The following VPS13B variants were observed in gnomAD, a reference collection of about 807,000 sequenced individuals.
VPS13B encodes the protein vacuolar protein sorting 13 homolog B.
VPS13B carries 285 observed loss-of-function variants against 426.4 expected under a neutral mutation model. The ratio of observed to expected loss-of-function variants is 0.67; its 90% CI spans 0.61 to 0.74. The LOEUF is 0.74. Ranked by LOEUF, VPS13B falls within the 30% of genes least tolerant of loss-of-function variation. VPS13B has a pLI of 0.00. For synonymous variants in VPS13B, 1,676 were observed against 1,676.4 expected (o/e 1.00, Z 0.01); for missense variants, 4,537 against 4,782.6 (o/e 0.95, Z 1.51).
intron 27 of VPS13B, among the ~76,000 whole-genome samples, chr8:99,505,283 C>T (rs1821436751): frequency 6.6e-6 from 1 of 152,214 alleles, no homozygotes; most frequent in Non-Finnish European, 1.5e-5. Context: ...CCTTCCTTTT[C>T]ATTCACAACT....
intron 43 of VPS13B, among the ~76,000 whole-genome samples, chr8:99,790,034 T>G (rs1405078972): frequency 1.3e-5 from 2 of 152,072 alleles, no homozygotes; most frequent in Non-Finnish European, 2.9e-5. Flanking sequence ...ACATACAGAC[T>G]AAAAGGAACT....
chr8:99,550,973 A>G (rs1041053258), intron 30 of VPS13B, among the ~76,000 whole-genome samples: 28 of 152,116 alleles, frequency 1.8e-4, no homozygotes, highest in Non-Finnish European at 3.7e-4. Flanking sequence ...GATTTTATAA[A>G]TGTTCCTGTG....
intron 33 of VPS13B, among the ~76,000 whole-genome samples, chr8:99,593,036 A>T (rs538342047): frequency 2.6e-5 from 4 of 152,122 alleles, no homozygotes; most frequent in African/African-American, 4.8e-5. Context: ...GCCGAAAGTA[A>T]CCCAACAAAA....
chr8:99,233,203 T>A, intron 17 of VPS13B: 1 of 1,391,142 alleles, frequency 7.2e-7, no homozygotes, highest in Non-Finnish European at 1.0e-6. Context: ...ATCGGGCGTT[T>A]GGTCACGAGG....
chr8:99,527,166 G>T (rs963684683), intron 30 of VPS13B, among the ~76,000 whole-genome samples: 1 of 151,988 alleles, frequency 6.6e-6, no homozygotes, highest in South Asian at 2.1e-4. Flanking sequence ...TTTGCTCTCG[G>T]TGGATTCTTT....
chr8:99,474,849 T>C (rs1020513229), intron 24 of VPS13B, among the ~76,000 whole-genome samples: 1 of 152,160 alleles, frequency 6.6e-6, no homozygotes, highest in Non-Finnish European at 1.5e-5. Flanking sequence ...ATGTATTTCC[T>C]CTGAGAAACA....
At chr8:99,446,266 A>G (rs1325773513) in intron 23 of VPS13B, among the ~76,000 whole-genome samples, 1 of 151,992 alleles carries the variant, frequency 6.6e-6, no homozygotes, top group Non-Finnish European at 1.5e-5. Flanking sequence ...TTCTGGGTAT[A>G]TAAATCCTTG....
At chr8:99,062,976 C>A (rs1166644049) in intron 3 of VPS13B, among the ~76,000 whole-genome samples, 5 of 152,058 alleles carry the variant, frequency 3.3e-5, no homozygotes, top group Non-Finnish European at 2.9e-5. Context: ...AACATTATGG[C>A]CTTTTTTCCT....
chr8:99,316,432 G>A (rs1272320602), intron 19 of VPS13B, among the ~76,000 whole-genome samples: 1 of 152,274 alleles, frequency 6.6e-6, no homozygotes, highest in African/African-American at 2.4e-5. Context: ...AGGCCTCAGG[G>A]CGTTTGGGAC....
intron 2 of VPS13B, among the ~76,000 whole-genome samples, chr8:99,014,338 G>T (rs1435894334): frequency 6.6e-6 from 1 of 151,428 alleles, no homozygotes; most frequent in Admixed American, 6.6e-5. Context: ...GGCTGGTCTC[G>T]AACTCCTGAG....
intron 19 of VPS13B, among the ~76,000 whole-genome samples, chr8:99,350,626 T>TG (rs1324861122): frequency 6.6e-6 from 1 of 152,082 alleles, no homozygotes; most frequent in African/African-American, 2.4e-5. Context: ...TGCACAAAGA[T>TG]GCAATGAAAA....
intron 8 of VPS13B, among the ~76,000 whole-genome samples, chr8:99,122,165 CA>C (rs1360243444): frequency 6.6e-6 from 1 of 151,396 alleles, no homozygotes; most frequent in Non-Finnish European, 1.5e-5. Context: ...AGCCTCATAA[CA>C]AATTTTTTTT....
Position 99,275,097 on chromosome 8 carries a change from G to A in VPS13B, c.2667G>A (p.Glu889=). ...TCTTTTCAGTTGATAGTGGAAAAGA[G>A]AAGTTGATTCCCTTGCTTCAGGGTC... ...CAKAPVDSGK[E]KLIPLLQGPS... is the part of the protein sequence containing the mutation. Residue 889 remains glutamate, a synonymous_variant, in exon 19 of 62, where the codon GAG becomes GAA. Coordinates refer to ENST00000357162, the MANE Select transcript of VPS13B (RefSeq NM_152564.5). The A allele has an allele frequency of 3.1e-6, 5 of 1,604,864 alleles. No individual in the cohort carries two copies. Among genetic ancestry groups the A allele is most frequent in the Non-Finnish European group, 3.4e-6 (4 of 1,176,402 alleles).
intron 43 of VPS13B, chr8:99,804,225 A>G: frequency 6.5e-6 from 1 of 152,726 alleles, no homozygotes; most frequent in South Asian, 1.9e-4. Context: ...GGATGCCATG[A>G]GGCAGCAGGA....
intron 3 of VPS13B, among the ~76,000 whole-genome samples, chr8:99,075,777 C>G (rs1275382427): frequency 6.6e-6 from 1 of 152,096 alleles, no homozygotes; most frequent in Non-Finnish European, 1.5e-5. Context: ...CTCCTTTTAA[C>G]ATGGTTAGTC....
At chr8:99,245,454 T>C (rs1204408760) in intron 17 of VPS13B, among the ~76,000 whole-genome samples, 1 of 152,244 alleles carries the variant, frequency 6.6e-6, no homozygotes, top group Non-Finnish European at 1.5e-5. Context: ...AGAAGTAATC[T>C]GAATGAACTT....
At chr8:99,141,279 AATTTAAACT>A (rs1810405617) in intron 12 of VPS13B, among the ~76,000 whole-genome samples, 1 of 152,186 alleles carries the variant, frequency 6.6e-6, no homozygotes, top group Non-Finnish European at 1.5e-5. Flanking sequence ...ATGGTATCTA[AATTTAAACT>A]GCATTATATT....
At chr8:99,488,664 A>T (rs1186559217) in intron 25 of VPS13B, among the ~76,000 whole-genome samples, 2 of 152,196 alleles carry the variant, frequency 1.3e-5, no homozygotes, top group Non-Finnish European at 2.9e-5. Context: ...CCAGAGAATT[A>T]AAATTTGTGT....
chr8:99,510,658 A>G (rs187180230), intron 28 of VPS13B, among the ~76,000 whole-genome samples: 6 of 152,166 alleles, frequency 3.9e-5, no homozygotes, highest in Admixed American at 3.3e-4. Context: ...ATGTACTACC[A>G]TGCCACCACA....
Sources: gnomAD v4.1 joint callset for allele counts (sites outside exome capture counted in the v4.1 genomes callset) on GRCh38, gnomAD v4.1.1 for gene constraint, MANE v1.5 for transcripts, NCBI Gene and HGNC (gene_info 2026-07-23, HGNC 2026-07-21) for gene names.